DENND4C: variants seen among roughly 807,000 people sequenced by gnomAD.
DENND4C encodes DENN domain-containing protein 4C.
In DENND4C, 108 loss-of-function variants were observed where a neutral mutation model predicts 203.0. That is an observed-to-expected ratio of 0.53 (90% CI 0.46 to 0.62). The LOEUF (loss-of-function observed/expected upper bound fraction) is 0.62. Ranked by LOEUF, DENND4C falls within the 20% of genes least tolerant of loss-of-function variation. The probability of loss-of-function intolerance (pLI) is 0.00; values close to 1 mark genes in which losing one functional copy is unlikely to be tolerated. For missense variants in DENND4C, 2,481 were observed against 2,301.2 expected, an observed-to-expected ratio of 1.08 and a Z score of -1.60; for synonymous variants, 871 against 792.4, an observed-to-expected ratio of 1.10 and a Z score of -1.67.
At position 19,358,119 on chromosome 9, in the gene DENND4C, A is replaced by G. The variant is rs1484212441; in HGVS notation, c.5119A>G (p.Ile1707Val). ...CTTTACCCAGCGACCGTTTCATGGC[A>G]TCTCAACAGTTAGTCTTCCAAATAG... is the stretch of plus-strand genomic sequence containing the variant. Reference protein sequence around the residue: ...IDFTQRPFHGISTVSLPNSLQ... With the variant: ...IDFTQRPFHGVSTVSLPNSLQ... Residue 1707 changes from isoleucine to valine, a missense_variant, in exon 28 of 33, where the codon ATC becomes GTC. Physicochemically the swap from Ile to Val is conservative, Grantham distance 29 (BLOSUM62 3). Coordinates refer to ENST00000434457, the MANE Select transcript of DENND4C (RefSeq NM_001330640.2). This position sits in a 1 kb window ranked among gnomAD's most constrained non-coding sequence, Gnocchi z 4.8. The G allele has an allele frequency of 6.2e-7, 1 of 1,613,860 alleles. No homozygotes were observed. Among genetic ancestry groups the G allele is most frequent in the African/African-American group, 1.3e-5 (1 of 75,042 alleles).
At chr9:19,299,387 ATTTT>A in intron 8 of DENND4C, 100 bp downstream of exon 8, 1 of 768,758 alleles carries the variant, frequency 1.3e-6, no homozygotes, top group Non-Finnish European at 1.9e-6. Context: ...AGTGATTGTT[ATTTT>A]ACAATTAACT....
intron 22 of DENND4C, among the ~76,000 whole-genome samples, chr9:19,343,638 T>C (rs1822165968): frequency 6.6e-6 from 1 of 152,248 alleles, no homozygotes; most frequent in Non-Finnish European, 1.5e-5. Flanking sequence ...GGGCTAAAGA[T>C]TTTTTGAGAA....
chr9:19,268,333 C>A (rs1191832144), intron 1 of DENND4C, among the ~76,000 whole-genome samples: 1 of 152,132 alleles, frequency 6.6e-6, no homozygotes, highest in African/African-American at 2.4e-5. Flanking sequence ...CGCCTGAGCT[C>A]AAGCCATCTG....
chr9:19,371,094 C>G (rs901361290), intron 31 of DENND4C, among the ~76,000 whole-genome samples: 6 of 151,572 alleles, frequency 4.0e-5, no homozygotes, highest in Non-Finnish European at 5.9e-5. Context: ...GAAAGTGATA[C>G]CAAGTGTCAC....
chr9:19,289,566 C>A (rs528811072), intron 4 of DENND4C, among the ~76,000 whole-genome samples: 1 of 152,132 alleles, frequency 6.6e-6, no homozygotes, highest in African/African-American at 2.4e-5. Flanking sequence ...TGGTGGCTCA[C>A]GCCTGTAATT....
At chr9:19,244,796 T>C (rs1361759977) in intron 1 of DENND4C, among the ~76,000 whole-genome samples, 1 of 152,018 alleles carries the variant, frequency 6.6e-6, no homozygotes, top group Non-Finnish European at 1.5e-5. Context: ...TTTAACTTTA[T>C]GTATAACCTG....
At chr9:19,323,118 A>C (rs902530312) in intron 12 of DENND4C, among the ~76,000 whole-genome samples, 8 of 152,160 alleles carry the variant, frequency 5.3e-5, no homozygotes, top group Non-Finnish European at 7.4e-5. Context: ...CAGCCTTGTC[A>C]ACATAGCAAG....
chr9:19,281,357 G>A (rs537317216), intron 2 of DENND4C, among the ~76,000 whole-genome samples: 2 of 152,134 alleles, frequency 1.3e-5, no homozygotes, highest in South Asian at 2.1e-4. Flanking sequence ...AATGTCTGGT[G>A]ACTTAAATGT....
chr9:19,309,951 T>A (rs540162197), intron 10 of DENND4C, among the ~76,000 whole-genome samples: 1 of 152,294 alleles, frequency 6.6e-6, no homozygotes, highest in African/African-American at 2.4e-5. Flanking sequence ...ACTTCATTGG[T>A]CTTTTCAGAA....
chr9:19,232,901 G>A (rs1352616046), intron 1 of DENND4C, among the ~76,000 whole-genome samples: 1 of 152,122 alleles, frequency 6.6e-6, no homozygotes, highest in Admixed American at 6.5e-5. Context: ...GTATCTGCCA[G>A]TTAAGACCAA....
At chr9:19,311,372 C>T (rs1471945282) in intron 10 of DENND4C, among the ~76,000 whole-genome samples, 4 of 152,152 alleles carry the variant, frequency 2.6e-5, no homozygotes, top group Non-Finnish European at 4.4e-5. Flanking sequence ...GTGATCCGCC[C>T]ACCTCGGCCT....
chr9:19,361,944 T>G lies in DENND4C; in HGVS notation c.5505T>G (p.Tyr1835Ter). The G allele has an allele frequency of 6.3e-7, 1 of 1,595,742 alleles. No homozygotes were observed. The highest frequency in any genetic ancestry group is 8.6e-7 in the Non-Finnish European group (1 of 1,163,468). ...ATCAGGAACCAAGAGAACCTCTGTATGTCTCATGGAGGAATTTTAGTAAGT... is the reference window on the plus strand; with the variant it reads ...ATCAGGAACCAAGAGAACCTCTGTAGGTCTCATGGAGGAATTTTAGTAAGT... ...NLHQEPREPL[Y>*]VSWRNFNSEK... The change falls in exon 30 of 33, where the codon TAT becomes TAG. Residue 1835 changes from tyrosine to a stop codon, truncating the protein, a stop_gained. Transcript: ENST00000434457. LOFTEE classifies it high-confidence loss of function.
At chr9:19,349,813 T>C (rs1823682752) in intron 23 of DENND4C, among the ~76,000 whole-genome samples, 1 of 152,066 alleles carries the variant, frequency 6.6e-6, no homozygotes, top group Non-Finnish European at 1.5e-5. Flanking sequence ...TAGAAGAAAA[T>C]TTAATGACAT....
At position 19,316,704 on chromosome 9, in the gene DENND4C, C is replaced by G; in HGVS notation, c.1672C>G (p.Leu558Val). The G allele has an allele frequency of 1.2e-6, 2 of 1,614,036 alleles. No homozygotes were observed. The highest frequency in any genetic ancestry group is 1.7e-6 in the Non-Finnish European group (2 of 1,179,982). Residue 558 changes from leucine (L) to valine (V), a missense_variant, in exon 12 of 33, where the codon CTT becomes GTT. Leu to Val is a conservative substitution (Grantham distance 32). Around this residue, in one of 3 missense-constraint regions of DENND4C, gnomAD observed 2,289 missense variants for 2,113.3 expected, o/e 1.08. Transcript: ENST00000434457. ...CTCCTGGCAAAAGAAGATGACACAG[C>G]TTGAGATGGAAATTCAAGAGGCATT... ...DFSWQKKMTQ[L>V]EMEIQEAFLR...
At chr9:19,236,046 T>C (rs1821890056) in intron 1 of DENND4C, among the ~76,000 whole-genome samples, 1 of 152,090 alleles carries the variant, frequency 6.6e-6, no homozygotes, top group African/African-American at 2.4e-5. Context: ...TCTGATAATC[T>C]AGTTTTTTAT....
In DENND4C at chr9:19,324,432, T is replaced by C; in HGVS notation, c.1878T>C (p.Ile626=). ...YTLLSKTQIF[I]RFIEECSFVS... ...TTTTATCCAAAACACAGATTTTTAT[T>C]CGTTTCATTGAAGAATGCAGTTTTG... Residue 626 remains isoleucine, a synonymous_variant, in exon 13 of 33, where the codon ATT becomes ATC. Transcript: ENST00000434457. 1 of 1,613,098 alleles carries C rather than the reference T, an allele frequency of 6.2e-7. No homozygotes were observed. The highest frequency in any genetic ancestry group is 8.5e-7 in the Non-Finnish European group (1 of 1,179,590).
At chr9:19,310,441 C>T (rs1039936826) in intron 10 of DENND4C, among the ~76,000 whole-genome samples, 3 of 152,180 alleles carry the variant, frequency 2.0e-5, no homozygotes, top group African/African-American at 4.8e-5. Flanking sequence ...CAGCCATGCT[C>T]ATTCATTTAC....
chr9:19,341,037 A>C lies in DENND4C; in HGVS notation c.2927A>C (p.Lys976Thr). Residue 976 changes from lysine to threonine, a missense_variant, in exon 21 of 33, where the codon AAG becomes ACG. This residue lies in a region of DENND4C where 2,289 missense variants were observed against 2,113.3 expected (regional missense o/e 1.08). Coordinates refer to ENST00000434457, the MANE Select transcript of DENND4C (RefSeq NM_001330640.2). ...QGYGSKDELI[K>T]DDAEIHVPEE... Reference sequence around the variant, plus strand: ...TACGGGTCTAAGGATGAACTTATAAAGGATGATGCAGAAATTCATGTGCCT... The same window carrying C: ...TACGGGTCTAAGGATGAACTTATAACGGATGATGCAGAAATTCATGTGCCT... The C allele has an allele frequency of 6.2e-7, 1 of 1,613,250 alleles. No homozygotes were observed. The highest frequency in any genetic ancestry group is 1.1e-5 in the South Asian group (1 of 90,946).
chr9:19,269,827 G>A (rs1214451377), intron 1 of DENND4C, among the ~76,000 whole-genome samples: 1 of 152,140 alleles, frequency 6.6e-6, no homozygotes, highest in Non-Finnish European at 1.5e-5. Context: ...GTTTGTTGAT[G>A]TCTGGGCATT....
Sources: gnomAD v4.1 joint callset for allele counts (sites outside exome capture counted in the v4.1 genomes callset) on GRCh38, gnomAD v4.1.1 for gene constraint, gnomAD v4.1.1 regional missense constraint, Gnocchi (gnomAD v3.1) non-coding constraint, MANE v1.5 for transcripts, NCBI Gene and HGNC (gene_info 2026-07-23, HGNC 2026-07-21) for gene names.